GLIS3: variants seen among roughly 807,000 people sequenced by gnomAD.
GLIS3 encodes the protein GLIS family zinc finger 3, also known as zinc finger protein GLIS3.
GLIS3 carries 53 observed loss-of-function variants against 78.6 expected under a neutral mutation model. The ratio of observed to expected loss-of-function variants is 0.67; its 90% CI spans 0.54 to 0.85. The LOEUF is 0.85. Ranked by LOEUF, GLIS3 falls within the 40% of genes least tolerant of loss-of-function variation. The probability of loss-of-function intolerance (pLI) is 0.00; values close to 1 mark genes in which losing one functional copy is unlikely to be tolerated. For synonymous variants in GLIS3, 684 were observed against 509.9 expected (o/e 1.34, Z -4.60); for missense variants, 1,703 against 1,231.1 (o/e 1.38, Z -5.74).
intron 2 of GLIS3, among the ~76,000 whole-genome samples, chr9:4,267,214 G>T (rs993788544): frequency 1.3e-5 from 2 of 152,090 alleles, no homozygotes; most frequent in African/African-American, 4.8e-5. Context: ...CTTCTAAAGT[G>T]GGAGTGTTTT....
intron 3 of GLIS3, 137 bp downstream of exon 3, chr9:4,125,597 C>CA: frequency 1.3e-6 from 1 of 747,114 alleles, no homozygotes; most frequent in Admixed American, 1.9e-5. Context: ...CTACAAACCT[C>CA]AAATTGAGAG....
At chr9:4,358,028 A>T in the GLIS3 span, among the ~76,000 whole-genome samples, 1 of 152,210 alleles carries the variant, frequency 6.6e-6, no homozygotes, top group Non-Finnish European at 1.5e-5. Flanking sequence ...GGTCTGTATG[A>T]TCTAATAAGA....
the GLIS3 span, among the ~76,000 whole-genome samples, chr9:4,355,132 G>GA: frequency 0.026 from 3,823 of 145,296 alleles, 166 homozygotes; most frequent in South Asian, 0.11. Context: ...ACTCCATCTC[G>GA]AAAAAAAAAA....
At chr9:3,902,603 G>A (rs1333508907) in intron 6 of GLIS3, among the ~76,000 whole-genome samples, 2 of 152,156 alleles carry the variant, frequency 1.3e-5, no homozygotes, top group African/African-American at 4.8e-5. Flanking sequence ...CCCAATCTTG[G>A]GGATGTATCA....
At chr9:4,250,252 G>C (rs1005846453) in intron 2 of GLIS3, among the ~76,000 whole-genome samples, 1 of 152,006 alleles carries the variant, frequency 6.6e-6, no homozygotes, top group Admixed American at 6.6e-5. Context: ...CTGGTCCTGG[G>C]CTTTTTTTGG....
intron 4 of GLIS3, among the ~76,000 whole-genome samples, chr9:4,067,511 A>G (rs976571654): frequency 6.6e-6 from 1 of 152,252 alleles, no homozygotes; most frequent in South Asian, 2.1e-4. Flanking sequence ...CACAACAGCC[A>G]TGAAGAATCA....
the GLIS3 span, among the ~76,000 whole-genome samples, chr9:4,437,102 A>T: frequency 1.3e-5 from 2 of 152,318 alleles, no homozygotes; most frequent in South Asian, 4.1e-4. Flanking sequence ...AGAAGAGGAC[A>T]GAAGAAGAGG....
At chr9:4,306,825 G>A (rs1301815589) in intron 4 of GLIS3, among the ~76,000 whole-genome samples, 1 of 152,168 alleles carries the variant, frequency 6.6e-6, no homozygotes, top group African/African-American at 2.4e-5. Context: ...TAAAACTCTA[G>A]CTATAGATAC....
At chr9:3,919,369 A>C (rs1324577752) in intron 6 of GLIS3, among the ~76,000 whole-genome samples, 1 of 152,166 alleles carries the variant, frequency 6.6e-6, no homozygotes, top group Non-Finnish European at 1.5e-5. Context: ...TCTGAACCTG[A>C]GGTCTTTCAT....
chr9:4,203,251 T>C (rs146933727), intron 2 of GLIS3, among the ~76,000 whole-genome samples: 110 of 152,208 alleles, frequency 7.2e-4, no homozygotes, highest in Admixed American at 5.2e-3. Context: ...ATCAGATAAA[T>C]GCAACTCCAA....
chr9:4,233,556 G>C (rs140969205), intron 2 of GLIS3, among the ~76,000 whole-genome samples: 1 of 152,334 alleles, frequency 6.6e-6, no homozygotes, highest in African/African-American at 2.4e-5. Context: ...ATGACGTAAA[G>C]AGATGTGCTC....
At chr9:4,021,343 T>C (rs956549328) in intron 4 of GLIS3, among the ~76,000 whole-genome samples, 2 of 152,190 alleles carry the variant, frequency 1.3e-5, no homozygotes, top group East Asian at 3.8e-4. Context: ...TTGATGCAAC[T>C]GAATAAGAGA....
the GLIS3 span, among the ~76,000 whole-genome samples, chr9:4,407,962 GAA>G: frequency 6.6e-6 from 1 of 152,058 alleles, no homozygotes; most frequent in African/African-American, 2.4e-5. Context: ...GCAAAGATCT[GAA>G]AAGACATTTC....
chr9:4,082,235 T>A (rs141064412), intron 4 of GLIS3, among the ~76,000 whole-genome samples: 11 of 152,278 alleles, frequency 7.2e-5, no homozygotes, highest in African/African-American at 2.6e-4. Flanking sequence ...CAGCACCAAT[T>A]TACTAACATT....
intron 2 of GLIS3, among the ~76,000 whole-genome samples, chr9:4,311,841 T>A (rs1817364895): frequency 1.3e-5 from 2 of 152,192 alleles, no homozygotes; most frequent in African/African-American, 4.8e-5. Context: ...GATGTCTTCA[T>A]TTTTAGAGTA....
At chr9:3,975,653 A>T (rs1285012480) in intron 4 of GLIS3, among the ~76,000 whole-genome samples, 1 of 152,028 alleles carries the variant, frequency 6.6e-6, no homozygotes, top group African/African-American at 2.4e-5. Context: ...AGAAACCAGT[A>T]ACATGCCTTA....
intron 7 of GLIS3, among the ~76,000 whole-genome samples, chr9:3,887,072 CAT>C (rs1822129927): frequency 6.6e-6 from 1 of 152,168 alleles, no homozygotes; most frequent in South Asian, 2.1e-4. Flanking sequence ...CTCCTTGTGG[CAT>C]GAAAACTTTT....
At chr9:4,360,893 C>A in the GLIS3 span, among the ~76,000 whole-genome samples, 1 of 152,184 alleles carries the variant, frequency 6.6e-6, no homozygotes, top group Non-Finnish European at 1.5e-5. Context: ...CAGGGAGGCA[C>A]ATGACAAGAG....
chr9:4,411,396 G>A, the GLIS3 span, among the ~76,000 whole-genome samples: 7 of 152,192 alleles, frequency 4.6e-5, no homozygotes, highest in Non-Finnish European at 1.0e-4. Flanking sequence ...GGCAGTACTG[G>A]GTTATGAGGT....
Sources: gnomAD v4.1 joint callset for allele counts (sites outside exome capture counted in the v4.1 genomes callset) on GRCh38, gnomAD v4.1.1 for gene constraint, MANE v1.5 for transcripts, NCBI Gene and HGNC (gene_info 2026-07-23, HGNC 2026-07-21) for gene names.